Variants in TFAP2D observed in about 807,000 individuals in gnomAD.
The protein encoded by TFAP2D is transcription factor AP-2 delta.
Under a neutral mutation model 43.6 loss-of-function variants are expected in TFAP2D, and 9 were observed. That is an observed-to-expected ratio of 0.21 (90% CI 0.12 to 0.36). TFAP2D has a LOEUF of 0.36. Ranked by LOEUF, TFAP2D falls within the 10% of genes least tolerant of loss-of-function variation. The pLI is 1.00. For missense variants in TFAP2D, 513 were observed against 561.4 expected (o/e 0.91, Z 0.87); for synonymous variants, 256 against 224.9 (o/e 1.14, Z -1.24).
At chr6:50,722,538 G>C (rs1186544996) in intron 3 of TFAP2D, among the ~76,000 whole-genome samples, 1 of 151,696 alleles carries the variant, frequency 6.6e-6, no homozygotes, top group African/African-American at 2.4e-5. Context: ...ATCTTCTGAG[G>C]CTCCCTTATG....
chr6:50,769,122 C>T (rs2206274), intron 7 of TFAP2D, among the ~76,000 whole-genome samples: 37,109 of 151,802 alleles, frequency 0.24, 5,197 homozygotes, highest in East Asian at 0.41. Context: ...TCTCAAACTC[C>T]TGACCTTGTG....
At chr6:50,763,441 T>C (rs1769394843) in intron 7 of TFAP2D, among the ~76,000 whole-genome samples, 2 of 152,100 alleles carry the variant, frequency 1.3e-5, no homozygotes, top group Non-Finnish European at 2.9e-5. Context: ...TTTCTTACAG[T>C]ATGTGGGGAG....
chr6:50,763,199 C>G (rs1337184264), intron 7 of TFAP2D, among the ~76,000 whole-genome samples: 4 of 152,080 alleles, frequency 2.6e-5, no homozygotes, highest in Admixed American at 1.3e-4. Context: ...AAACTTTCCT[C>G]TTTATTTTAA....
intron 5 of TFAP2D, among the ~76,000 whole-genome samples, chr6:50,734,551 G>C (rs933421024): frequency 6.6e-6 from 1 of 151,974 alleles, no homozygotes; most frequent in Non-Finnish European, 1.5e-5. Context: ...TCCATCCATA[G>C]CTTACTCTGC....
chr6:50,759,063 A>G (rs929244187), intron 7 of TFAP2D, among the ~76,000 whole-genome samples: 5 of 152,090 alleles, frequency 3.3e-5, no homozygotes, highest in Non-Finnish European at 5.9e-5. Context: ...TTAAAACAAT[A>G]GAAGCCAGAG....
chr6:50,748,679 A>G (rs62405411), intron 6 of TFAP2D, among the ~76,000 whole-genome samples: 4,143 of 152,030 alleles, frequency 0.027, 85 homozygotes, highest in Middle Eastern at 0.054. Flanking sequence ...CTAAAAATGA[A>G]TCAGACAAAA....
At chr6:50,727,854 G>C (rs992976611) in intron 3 of TFAP2D, among the ~76,000 whole-genome samples, 4 of 152,158 alleles carry the variant, frequency 2.6e-5, no homozygotes, top group Non-Finnish European at 5.9e-5. Flanking sequence ...CTAGCAGGGT[G>C]GACATTGGCT....
chr6:50,738,450 C>T (rs1365857645), intron 5 of TFAP2D, among the ~76,000 whole-genome samples: 3 of 151,986 alleles, frequency 2.0e-5, no homozygotes, highest in African/African-American at 7.2e-5. Context: ...CAACACTGTA[C>T]AAGGCCTTTT....
chr6:50,733,822 C>T (rs1290848118), intron 5 of TFAP2D, among the ~76,000 whole-genome samples: 2 of 152,140 alleles, frequency 1.3e-5, no homozygotes, highest in South Asian at 2.1e-4. Context: ...TGGTGTGCTT[C>T]CTGGGACAGT....
chr6:50,772,009 T>C (rs1175526979), intron 7 of TFAP2D, among the ~76,000 whole-genome samples: 1 of 152,128 alleles, frequency 6.6e-6, no homozygotes, highest in African/African-American at 2.4e-5. Flanking sequence ...CCATCAATGA[T>C]AGACTGGATT....
chr6:50,754,097 C>T (rs1581774303), intron 7 of TFAP2D, among the ~76,000 whole-genome samples: 1 of 151,976 alleles, frequency 6.6e-6, no homozygotes, highest in Middle Eastern at 3.4e-3. Context: ...TTTTGTAAAA[C>T]TGCCTCTGTA....
At position 50,713,850 on chromosome 6, in the gene TFAP2D, G is replaced by C; in HGVS notation, c.-206G>C. 1 of 674,790 alleles carries C rather than the reference G, an allele frequency of 1.5e-6. No homozygotes were observed. The highest frequency in any genetic ancestry group is 2.5e-6 in the Non-Finnish European group (1 of 405,270). 41.8% of individuals were successfully genotyped at this position (674,790 alleles called of 1,614,324 possible). On this transcript the variant is annotated 5_prime_UTR_variant, in exon 1 of 8. Transcript: ENST00000008391. ...TCCAGGGAGCTGCTTTTGTGCAGAG[G>C]GAAAATTTTGTTCCTACAGGTTTTT...
chr6:50,762,252 A>G (rs540357833), intron 7 of TFAP2D, among the ~76,000 whole-genome samples: 1 of 152,208 alleles, frequency 6.6e-6, no homozygotes, highest in African/African-American at 2.4e-5. Context: ...ATACATTTCC[A>G]TGTAAAAAGT....
chr6:50,768,693 A>G (rs1227545928), intron 7 of TFAP2D, among the ~76,000 whole-genome samples: 2 of 152,202 alleles, frequency 1.3e-5, no homozygotes, highest in African/African-American at 4.8e-5. Context: ...ACTGCTAGAA[A>G]AGAATCTTTG....
At chr6:50,745,285 T>G in intron 6 of TFAP2D, 37 bp downstream of exon 6, 4 of 1,600,380 alleles carry the variant, frequency 2.5e-6, no homozygotes, top group Non-Finnish European at 3.4e-6. Flanking sequence ...TGCTTTCATC[T>G]TCAGTATTTT....
intron 5 of TFAP2D, among the ~76,000 whole-genome samples, chr6:50,736,053 T>C (rs1386296066): frequency 2.0e-5 from 3 of 152,156 alleles, no homozygotes; most frequent in African/African-American, 4.8e-5. Context: ...GGTGGTGACA[T>C]ATGAAACTAA....
chr6:50,753,609 A>G (rs1769227279), intron 7 of TFAP2D, among the ~76,000 whole-genome samples: 1 of 135,716 alleles, frequency 7.4e-6, no homozygotes, highest in Non-Finnish European at 1.7e-5. Flanking sequence ...CCTAGTGAAA[A>G]AGAAAGTGAG....
At chr6:50,742,578 A>ATAGT (rs201400930) in intron 5 of TFAP2D, among the ~76,000 whole-genome samples, 1,456 of 13,764 alleles carry the variant, frequency 0.11, 18 homozygotes, top group African/African-American at 0.19. Context: ...ACACACATAG[A>ATAGT]TAGATAGATA....
At chr6:50,717,114 C>G (rs1017453678) in intron 2 of TFAP2D, among the ~76,000 whole-genome samples, 10 of 152,196 alleles carry the variant, frequency 6.6e-5, no homozygotes, top group Non-Finnish European at 1.5e-5. Context: ...AACCTATTTA[C>G]TCCTTTTAAT....
Sources: gnomAD v4.1 joint callset for allele counts (sites outside exome capture counted in the v4.1 genomes callset) on GRCh38, gnomAD v4.1.1 for gene constraint, MANE v1.5 for transcripts, NCBI Gene and HGNC (gene_info 2026-07-23, HGNC 2026-07-21) for gene names.